NAALADL2: variants seen among roughly 807,000 people sequenced by gnomAD.
NAALADL2 encodes the protein N-acetylated alpha-linked acidic dipeptidase like 2, also known as inactive N-acetylated-alpha-linked acidic dipeptidase-like protein 2.
In NAALADL2, 76 loss-of-function variants were observed where a neutral mutation model predicts 87.2. That is an observed-to-expected ratio of 0.87 (90% CI 0.72 to 1.05). The LOEUF (loss-of-function observed/expected upper bound fraction) is 1.05, where lower values mean the gene tolerates loss of function less well. Ranked by LOEUF, NAALADL2 falls within the 50% of genes least tolerant of loss-of-function variation. The pLI is 0.00. For missense variants in NAALADL2, 1,089 were observed against 945.8 expected, an observed-to-expected ratio of 1.15 and a Z score of -1.99; for synonymous variants, 354 against 331.0, an observed-to-expected ratio of 1.07 and a Z score of -0.75.
intron 11 of NAALADL2, among the ~76,000 whole-genome samples, chr3:175,697,772 T>C (rs899472761): frequency 6.8e-6 from 1 of 146,598 alleles, no homozygotes. Context: ...TGTATACATA[T>C]ATACATATAT....
At chr3:174,913,906 G>A (rs1734027917) in intron 1 of NAALADL2, among the ~76,000 whole-genome samples, 1 of 151,948 alleles carries the variant, frequency 6.6e-6, no homozygotes, top group Admixed American at 6.6e-5. Context: ...GTGGTTTGAA[G>A]AACTGAAGGA....
intron 2 of NAALADL2, chr3:174,692,168 G>A (rs548667300): frequency 1.3e-5 from 2 of 152,278 alleles, no homozygotes; most frequent in African/African-American, 4.8e-5. Flanking sequence ...CACTATGTAT[G>A]GCAGCTGTAA....
chr3:174,872,647 A>G (rs983224078), intron 1 of NAALADL2, among the ~76,000 whole-genome samples: 64 of 152,144 alleles, frequency 4.2e-4, no homozygotes, highest in Non-Finnish European at 1.5e-5. Flanking sequence ...GGAGACAGGG[A>G]TCATAGCCGC....
At chr3:174,539,875 CAA>C (rs1347199871) in intron 1 of NAALADL2, among the ~76,000 whole-genome samples, 1 of 145,960 alleles carries the variant, frequency 6.9e-6, no homozygotes, top group Non-Finnish European at 1.5e-5. Flanking sequence ...ACAAAGATGC[CAA>C]GAGACATAGA....
intron 2 of NAALADL2, among the ~76,000 whole-genome samples, chr3:174,707,049 C>T (rs1730142673): frequency 6.6e-6 from 1 of 152,272 alleles, no homozygotes; most frequent in African/African-American, 2.4e-5. Flanking sequence ...AAAAAATGCT[C>T]ATCATCACTG....
intron 2 of NAALADL2, among the ~76,000 whole-genome samples, chr3:174,709,453 T>C (rs1050256289): frequency 6.6e-6 from 1 of 152,100 alleles, no homozygotes; most frequent in African/African-American, 2.4e-5. Flanking sequence ...ATTTCTTTAA[T>C]TAAAGAAGGC....
intron 2 of NAALADL2, among the ~76,000 whole-genome samples, chr3:174,707,750 A>C (rs2108903574): frequency 6.6e-6 from 1 of 152,100 alleles, no homozygotes; most frequent in Admixed American, 6.6e-5. Context: ...CATATGTAAA[A>C]ATCCTGCACG....
intron 4 of NAALADL2, among the ~76,000 whole-genome samples, chr3:175,271,719 G>C (rs573047499): frequency 8.5e-5 from 13 of 152,296 alleles, no homozygotes; most frequent in East Asian, 1.9e-4. Context: ...TTGAACAAGG[G>C]GGGAGGCAGA....
At chr3:175,457,824 T>G (rs1722544483) in intron 6 of NAALADL2, among the ~76,000 whole-genome samples, 2 of 151,876 alleles carry the variant, frequency 1.3e-5, no homozygotes, top group Non-Finnish European at 2.9e-5. Context: ...TTTTATCATC[T>G]TTACACTTAT....
intron 2 of NAALADL2, among the ~76,000 whole-genome samples, chr3:174,689,405 T>TTTTC (rs1553821964): frequency 1.1e-4 from 17 of 151,620 alleles, no homozygotes; most frequent in African/African-American, 3.4e-4. Context: ...ACCTTTTTTT[T>TTTTC]ACCAGTTTGA....
chr3:175,506,781 T>C (rs1049508355), intron 9 of NAALADL2, among the ~76,000 whole-genome samples: 8 of 152,194 alleles, frequency 5.3e-5, no homozygotes, highest in Non-Finnish European at 1.2e-4. Flanking sequence ...ATAGTCATCA[T>C]GCATAAATAT....
At chr3:175,470,257 G>T (rs7609562) in intron 8 of NAALADL2, among the ~76,000 whole-genome samples, 8,078 of 152,112 alleles carry the variant, frequency 0.053, 679 homozygotes, top group African/African-American at 0.18. Flanking sequence ...AGGGAACGGG[G>T]AGAAAATGGT....
intron 2 of NAALADL2, among the ~76,000 whole-genome samples, chr3:174,647,805 A>G (rs566763928): frequency 2.0e-5 from 3 of 152,324 alleles, no homozygotes; most frequent in African/African-American, 4.8e-5. Context: ...TAAACCAAAT[A>G]TACTGTATGC....
chr3:174,947,283 T>C (rs1425822550), intron 1 of NAALADL2, among the ~76,000 whole-genome samples: 1 of 152,154 alleles, frequency 6.6e-6, no homozygotes, highest in African/African-American at 2.4e-5. Context: ...TGTTTTTTGT[T>C]TTTTTCTTTT....
intron 2 of NAALADL2, among the ~76,000 whole-genome samples, chr3:175,147,775 A>G (rs1185782746): frequency 6.6e-6 from 1 of 152,030 alleles, no homozygotes; most frequent in Non-Finnish European, 1.5e-5. Flanking sequence ...ACTTTTTAAT[A>G]ATACCCATTT....
intron 1 of NAALADL2, among the ~76,000 whole-genome samples, chr3:174,907,771 T>C (rs1733152140): frequency 6.6e-6 from 1 of 151,978 alleles, no homozygotes; most frequent in Non-Finnish European, 1.5e-5. Flanking sequence ...TAGATGGGAG[T>C]TTGGCTCATT....
intron 1 of NAALADL2, among the ~76,000 whole-genome samples, chr3:174,864,810 A>G (rs572964291): frequency 6.6e-6 from 1 of 152,182 alleles, no homozygotes; most frequent in Non-Finnish European, 1.5e-5. Flanking sequence ...TTTGTATCAC[A>G]GTTTTTTGGG....
chr3:175,416,039 G>A (rs78509194), intron 5 of NAALADL2, among the ~76,000 whole-genome samples: 3,772 of 146,156 alleles, frequency 0.026, 163 homozygotes, highest in East Asian at 0.14. Flanking sequence ...GGAGGATCCC[G>A]TGAGCCTGGG....
intron 9 of NAALADL2, among the ~76,000 whole-genome samples, chr3:175,520,827 G>A (rs1283957884): frequency 6.6e-6 from 1 of 152,126 alleles, no homozygotes; most frequent in East Asian, 1.9e-4. Flanking sequence ...AGAAGAGAGT[G>A]TTTGTTGATT....
Sources: allele counts gnomAD v4.1 joint callset (sites outside exome capture counted in the v4.1 genomes callset), GRCh38; gene constraint gnomAD v4.1.1; transcripts MANE v1.5; gene names NCBI Gene and HGNC (gene_info 2026-07-23, HGNC 2026-07-21).